The following UNC5C variants were observed in gnomAD, a reference collection of about 807,000 sequenced individuals.
UNC5C encodes the protein unc-5 netrin receptor C.
Under a neutral mutation model 99.8 loss-of-function variants are expected in UNC5C, and 47 were observed. The observed-to-expected ratio is 0.47, with a 90% CI of 0.37 to 0.60. The LOEUF (loss-of-function observed/expected upper bound fraction) is 0.60. Among genes scored for constraint, UNC5C ranks in the 20% least tolerant of loss-of-function variants. UNC5C has a pLI of 0.00. For missense variants in UNC5C, 1,062 were observed against 1,165.9 expected (o/e 0.91, Z 1.30); for synonymous variants, 487 against 452.2 (o/e 1.08, Z -0.98).
chr4:95,348,394 A>G (rs1488038378), intron 1 of UNC5C, among the ~76,000 whole-genome samples: 1 of 151,596 alleles, frequency 6.6e-6, no homozygotes, highest in Admixed American at 6.6e-5. Context: ...CCATGCAATC[A>G]AGCAATCCCA....
chr4:95,541,703 T>A (rs1030209064), intron 1 of UNC5C, among the ~76,000 whole-genome samples: 1 of 152,092 alleles, frequency 6.6e-6, no homozygotes, highest in Non-Finnish European at 1.5e-5. Flanking sequence ...TATGGATATA[T>A]TTCTATTTAT....
At position 95,169,476 on chromosome 4, in the gene UNC5C, T is replaced by C. The variant is rs1736000098; in HGVS notation, c.2631-77A>G. On this transcript the variant is annotated intron_variant, in intron 15 of 15. Coordinates refer to ENST00000453304, the MANE Select transcript of UNC5C (RefSeq NM_003728.4). ...TTTTCCTCAGCTAAACCTTTCTGTC[T>C]CTCTACTTGTCTTTAAGTTTCCTGG... is the stretch of plus-strand genomic sequence containing the variant. 4 of 1,499,502 alleles carry C rather than the reference T, an allele frequency of 2.7e-6. No individual in the cohort carries two copies. In the Admixed American group the frequency reaches 7.5e-5, roughly 28 times the overall value. 92.9% of individuals were successfully genotyped at this position (1,499,502 alleles called of 1,614,324 possible). A position where few individuals can be genotyped will look rare whatever the true frequency, so the allele number is the denominator to read the frequency against.
intron 1 of UNC5C, among the ~76,000 whole-genome samples, chr4:95,459,789 A>G (rs919148406): frequency 6.6e-6 from 1 of 152,154 alleles, no homozygotes; most frequent in African/African-American, 2.4e-5. Context: ...AATTTCCCTA[A>G]AAGGCTCTCA....
chr4:95,308,209 T>C (rs1742129214), intron 2 of UNC5C, among the ~76,000 whole-genome samples: 1 of 152,116 alleles, frequency 6.6e-6, no homozygotes, highest in African/African-American at 2.4e-5. Flanking sequence ...GAGAATCCTA[T>C]AAATTAAACA....
intron 1 of UNC5C, among the ~76,000 whole-genome samples, chr4:95,444,143 C>T (rs1286220531): frequency 6.6e-6 from 1 of 152,136 alleles, no homozygotes; most frequent in East Asian, 1.9e-4. Flanking sequence ...CAGACTTGAG[C>T]TCATCTCTGC....
chr4:95,234,492 A>G (rs1410353718), intron 7 of UNC5C, among the ~76,000 whole-genome samples: 1 of 152,116 alleles, frequency 6.6e-6, no homozygotes, highest in Admixed American at 6.5e-5. Flanking sequence ...CTCGTCATTT[A>G]ACTTACCTTT....
At chr4:95,453,668 A>G in intron 1 of UNC5C, among the ~76,000 whole-genome samples, 1 of 152,044 alleles carries the variant, frequency 6.6e-6, no homozygotes, top group South Asian at 2.1e-4. Flanking sequence ...TGTGCTAAGC[A>G]TTACAGTTTG....
intron 1 of UNC5C, among the ~76,000 whole-genome samples, chr4:95,371,849 A>G (rs1388333211): frequency 6.6e-6 from 1 of 152,188 alleles, no homozygotes; most frequent in Non-Finnish European, 1.5e-5. Flanking sequence ...AAATCATGAC[A>G]TTAAAATGCA....
At chr4:95,412,769 A>C (rs1036593129) in intron 1 of UNC5C, among the ~76,000 whole-genome samples, 1 of 152,180 alleles carries the variant, frequency 6.6e-6, no homozygotes, top group African/African-American at 2.4e-5. Flanking sequence ...ACTGACCCTG[A>C]AGTAGTTTTT....
chr4:95,179,746 C>CAAAAAAAAAAA (rs33974336), intron 14 of UNC5C, among the ~76,000 whole-genome samples: 3 of 98,510 alleles, frequency 3.0e-5, no homozygotes, highest in South Asian at 3.7e-4. Flanking sequence ...GACTCCTTCT[C>CAAAAAAAAAAA]AAAAAAAAAA....
At chr4:95,537,420 G>A (rs989825875) in intron 1 of UNC5C, among the ~76,000 whole-genome samples, 10 of 152,222 alleles carry the variant, frequency 6.6e-5, no homozygotes, top group African/African-American at 2.4e-4. Flanking sequence ...GTGTAAGCAC[G>A]ACAGCCACTG....
At chr4:95,511,577 G>GT (rs1165888434) in intron 1 of UNC5C, among the ~76,000 whole-genome samples, 2 of 152,094 alleles carry the variant, frequency 1.3e-5, no homozygotes, top group African/African-American at 4.8e-5. Context: ...TCTTCACTTA[G>GT]TAGGTACACT....
At chr4:95,396,139 T>C (rs1375961653) in intron 1 of UNC5C, among the ~76,000 whole-genome samples, 2 of 152,220 alleles carry the variant, frequency 1.3e-5, no homozygotes, top group African/African-American at 4.8e-5. Context: ...GGTTTGTCTT[T>C]AGCAACTTCA....
intron 13 of UNC5C, among the ~76,000 whole-genome samples, chr4:95,183,617 T>C (rs1736706232): frequency 1.3e-5 from 2 of 151,888 alleles, no homozygotes; most frequent in South Asian, 2.1e-4. Context: ...AGAAAAGTTC[T>C]TGGCACCAAG....
chr4:95,215,970 T>C (rs934707128), intron 10 of UNC5C, 154 bp downstream of exon 10: 3 of 546,030 alleles, frequency 5.5e-6, no homozygotes, highest in Non-Finnish European at 9.5e-6. Context: ...CAAAGAGAAG[T>C]AAAACCTGAC....
intron 1 of UNC5C, among the ~76,000 whole-genome samples, chr4:95,412,547 G>C (rs17023782): frequency 1.3e-5 from 2 of 152,070 alleles, no homozygotes; most frequent in Admixed American, 1.3e-4. Context: ...ATGTTTGTTG[G>C]ATAAATGAAT....
At chr4:95,360,921 A>C (rs776449554) in intron 1 of UNC5C, among the ~76,000 whole-genome samples, 8 of 152,218 alleles carry the variant, frequency 5.3e-5, no homozygotes, top group Non-Finnish European at 1.0e-4. Context: ...AAACGTACTC[A>C]TGTCTAGAAA....
intron 1 of UNC5C, among the ~76,000 whole-genome samples, chr4:95,478,892 C>T (rs1721047629): frequency 6.6e-6 from 1 of 151,802 alleles, no homozygotes; most frequent in African/African-American, 2.4e-5. Flanking sequence ...AGTTCTCGCT[C>T]CATTAGTTCG....
At chr4:95,297,890 T>G (rs1741716656) in intron 3 of UNC5C, among the ~76,000 whole-genome samples, 1 of 152,180 alleles carries the variant, frequency 6.6e-6, no homozygotes, top group African/African-American at 2.4e-5. Flanking sequence ...TTCCTGCTTC[T>G]CCCCTTGCCC....
Sources: allele counts gnomAD v4.1 joint callset (sites outside exome capture counted in the v4.1 genomes callset), GRCh38; gene constraint gnomAD v4.1.1; transcripts MANE v1.5; gene names NCBI Gene and HGNC (gene_info 2026-07-23, HGNC 2026-07-21).